SANBR: variants seen among roughly 807,000 people sequenced by gnomAD.
The protein encoded by SANBR is SANT and BTB domain regulator of class switch recombination.
SANBR carries 77 observed loss-of-function variants against 101.8 expected under a neutral mutation model. The observed-to-expected ratio is 0.76, with a 90% CI of 0.63 to 0.91. SANBR has a LOEUF of 0.91. Ranked by LOEUF, SANBR falls within the 40% of genes least tolerant of loss-of-function variation. SANBR has a pLI of 0.00. For synonymous variants in SANBR, 279 were observed against 274.7 expected, an observed-to-expected ratio of 1.02 and a Z score of -0.15; for missense variants, 875 against 853.0, an observed-to-expected ratio of 1.03 and a Z score of -0.32.
Position 61,123,583 on chromosome 2 carries a change from A to T in SANBR, c.*1421A>T. 2.0e-6 allele frequency: 2 copies of T among 978,036 alleles called. No individual in the cohort carries two copies. Among genetic ancestry groups the T allele is most frequent in the South Asian group, 9.5e-5 (2 of 21,132 alleles). 60.6% of individuals were successfully genotyped at this position (978,036 alleles called of 1,614,324 possible). On this transcript the variant is annotated 3_prime_UTR_variant, in exon 22 of 22. Coordinates refer to ENST00000402291, the MANE Select transcript of SANBR (RefSeq NM_001129993.3). ...ATATGTAAGTACTCTGTTAAATACC[A>T]GAGTTTTTTTTGTAGTTTACTGTGT...
Position 61,109,234 on chromosome 2 carries a change from C to T in SANBR, c.1682C>T (p.Thr561Ile). Reference sequence around the variant, plus strand: ...CTGTTTTCAGAAGAAGAAGAATATACCACTGGATCTGAGGTCACTGAAGAT... The same window carrying T: ...CTGTTTTCAGAAGAAGAAGAATATATCACTGGATCTGAGGTCACTGAAGAT... Reference protein sequence around the residue: ...QSLFSEEEEYTTGSEVTEDEV... With the variant: ...QSLFSEEEEYITGSEVTEDEV... The change falls in exon 16 of 22, where the codon ACC (threonine) becomes ATC (isoleucine). Residue 561 changes from threonine (T) to isoleucine (I), a missense_variant. Thr to Ile is a moderately conservative substitution (Grantham distance 89). Coordinates refer to ENST00000402291, the MANE Select transcript of SANBR (RefSeq NM_001129993.3). 6.4e-7 allele frequency: 1 copy of T among 1,560,310 alleles called. No individual in the cohort carries two copies. Among genetic ancestry groups the T allele is most frequent in the Admixed American group, 1.8e-5 (1 of 56,036 alleles).
intron 6 of SANBR, 47 bp downstream of exon 6, chr2:61,077,205 C>G (rs367611397): frequency 6.5e-5 from 88 of 1,364,276 alleles, no homozygotes; most frequent in Non-Finnish European, 8.5e-5. Flanking sequence ...TTGTGTGTCA[C>G]CTGGTAGTTT....
chr2:61,085,839 A>G (rs1682399585), intron 8 of SANBR, among the ~76,000 whole-genome samples: 1 of 152,084 alleles, frequency 6.6e-6, no homozygotes, highest in African/African-American at 2.4e-5. Context: ...TGATAGCTTT[A>G]TAATCATTTT....
At position 61,088,156 on chromosome 2, in the gene SANBR, T is replaced by C. The variant is rs1682543047; in HGVS notation, c.891-3T>C. On this transcript the variant is annotated splice_region_variant and splice_polypyrimidine_tract_variant and intron_variant, in intron 8 of 21. Coordinates refer to ENST00000402291, the MANE Select transcript of SANBR (RefSeq NM_001129993.3). The stretch of plus-strand genomic sequence containing the variant: ...TAATATTTTGGTCATTTGTTGTTAA[T>C]AGCAAACTTTTTTGTAAGAAGATTG... 1.3e-6 allele frequency: 2 copies of C among 1,585,126 alleles called. No individual in the cohort carries two copies. Among genetic ancestry groups the C allele is most frequent in the Middle Eastern group, 3.4e-4 (2 of 5,958 alleles).
chr2:61,076,940 T>C lies in SANBR; in HGVS notation c.452T>C (p.Val151Ala). The part of the protein sequence containing the change: ...ESEGPNMVIH[V>A]CDEAKNLKED... ...TGAAGGCCAAACATGGTGATCCATG[T>C]GTGTGATGAAGCAAAAAACTTGAAA... Residue 151 changes from valine to alanine, a missense_variant, in exon 6 of 22, where the codon GTG (valine) becomes GCG (alanine). Val to Ala is a moderately conservative substitution (Grantham distance 64). Coordinates refer to ENST00000402291, the MANE Select transcript of SANBR (RefSeq NM_001129993.3). The C allele has an allele frequency of 1.9e-6, 3 of 1,613,498 alleles. No homozygotes were observed. The highest frequency in any genetic ancestry group is 2.5e-6 in the Non-Finnish European group (3 of 1,179,510).
intron 17 of SANBR, among the ~76,000 whole-genome samples, chr2:61,116,307 T>C (rs1381639556): frequency 2.0e-5 from 3 of 152,152 alleles, no homozygotes; most frequent in Non-Finnish European, 2.9e-5. Flanking sequence ...GGGGGAAATA[T>C]ATAAATAACT....
chr2:61,131,739 T>C lies in SANBR; in HGVS notation c.2029-2398T>C, dbSNP rs533933553. Among the ~76,000 whole-genome samples, 50 of 152,148 alleles carry C rather than the reference T, an allele frequency of 3.3e-4. 1 individual carries two copies. The highest frequency in any genetic ancestry group is 6.6e-4 in the Non-Finnish European group (45 of 68,020). ...AAGGGATTCAGAATAGCCAAAACAA[T>C]TTTGGAAGACAACAAAGTTAGAAGA... is the stretch of plus-strand genomic sequence containing the variant. On this transcript the variant is annotated intron_variant, in intron 20 of 21. Transcript: ENST00000295031.
In SANBR at chr2:61,105,962, G is replaced by C. The variant is rs117345569; in HGVS notation, c.1512-601G>C. On this transcript the variant is annotated intron_variant, in intron 13 of 21. Transcript: ENST00000402291. ...TGGGATTAGAGGCGTGACCCACTGTGCCCAGCCAAGGCTGTTCTTAAAGCA... is the reference window on the plus strand; with the variant it reads ...TGGGATTAGAGGCGTGACCCACTGTCCCCAGCCAAGGCTGTTCTTAAAGCA... Among the ~76,000 whole-genome samples, 2,897 of 152,244 alleles carry C rather than the reference G, an allele frequency of 0.019. 259 individuals are homozygous for C. In the East Asian group the frequency reaches 0.27, roughly 14 times the overall value.
chr2:61,069,590 A>G (rs546821485), intron 2 of SANBR: 1 of 152,488 alleles, frequency 6.6e-6, no homozygotes, highest in Admixed American at 6.5e-5. Flanking sequence ...GCTGAATCAT[A>G]GATATAACTA....
At chr2:61,094,993 G>GT (rs1682963267) in intron 11 of SANBR, among the ~76,000 whole-genome samples, 1 of 152,146 alleles carries the variant, frequency 6.6e-6, no homozygotes, top group South Asian at 2.1e-4. Flanking sequence ...TTGTGTGGTA[G>GT]TTTAACACTT....
At chr2:61,093,057 C>G (rs186638483) in intron 11 of SANBR, among the ~76,000 whole-genome samples, 1 of 151,610 alleles carries the variant, frequency 6.6e-6, no homozygotes, top group Non-Finnish European at 1.5e-5. Context: ...CACTTGAACC[C>G]GGGAGGCAGA....
intron 20 of SANBR, among the ~76,000 whole-genome samples, chr2:61,129,963 A>G (rs1001745980): frequency 1.3e-5 from 2 of 152,136 alleles, no homozygotes; most frequent in African/African-American, 2.4e-5. Flanking sequence ...ATGTATAACA[A>G]TACCACAAGA....
At chr2:61,081,031 T>G (rs1010662213) in intron 6 of SANBR, among the ~76,000 whole-genome samples, 1 of 152,174 alleles carries the variant, frequency 6.6e-6, no homozygotes, top group African/African-American at 2.4e-5. Flanking sequence ...TCAGAATCTT[T>G]TAAAATTAAA....
chr2:61,115,596 A>G (rs1400021626), intron 16 of SANBR, among the ~76,000 whole-genome samples: 1 of 152,160 alleles, frequency 6.6e-6, no homozygotes, highest in East Asian at 1.9e-4. Context: ...AAATACACAG[A>G]TTACCACTTA....
intron 8 of SANBR, among the ~76,000 whole-genome samples, chr2:61,085,370 CA>C (rs1682368302): frequency 6.6e-6 from 1 of 151,990 alleles, no homozygotes; most frequent in Admixed American, 6.6e-5. Context: ...CTAGTTGACA[CA>C]ATACCATATG....
At chr2:61,098,649 G>A (rs550530041) in intron 12 of SANBR, among the ~76,000 whole-genome samples, 5 of 152,314 alleles carry the variant, frequency 3.3e-5, no homozygotes, top group Admixed American at 1.3e-4. Context: ...TTGGTGCAAT[G>A]TGTGAGTATT....
intron 21 of SANBR, chr2:61,137,329 A>G (rs1684882206): frequency 6.6e-6 from 1 of 152,222 alleles, no homozygotes; most frequent in South Asian, 2.1e-4. Flanking sequence ...TCCTTTTAGT[A>G]AATATTTTTA....
chr2:61,081,367 G>T, intron 6 of SANBR, 85 bp from the exon 7 acceptor site: 1 of 1,261,186 alleles, frequency 7.9e-7, no homozygotes, highest in South Asian at 1.4e-5. Context: ...TTCCAGTAAT[G>T]TCCTCTTTTA....
At position 61,094,112 on chromosome 2, in the gene SANBR, C is replaced by T. The variant is rs111656067; in HGVS notation, c.1212+1525C>T. ...TGTTTAAGTTCCCACTCAATGGGTTCTGTGTTCCCACAATTTTAAAAAGGT... is the reference window on the plus strand; with the variant it reads ...TGTTTAAGTTCCCACTCAATGGGTTTTGTGTTCCCACAATTTTAAAAAGGT... On this transcript the variant is annotated intron_variant, in intron 11 of 21. Coordinates refer to ENST00000402291, the MANE Select transcript of SANBR (RefSeq NM_001129993.3). The T allele has an allele frequency of 2.8e-4, 270 of 976,472 alleles. No individual in the cohort carries two copies. The African/African-American group carries it at 4.2e-3, about 15-fold the overall frequency. The allele number at this position is 976,472 out of a possible 1,614,324, so 60.5% of individuals were successfully genotyped here. A position where few individuals can be genotyped will look rare whatever the true frequency, so the allele number is the denominator to read the frequency against.
Sources: allele counts gnomAD v4.1 joint callset (sites outside exome capture counted in the v4.1 genomes callset), GRCh38; gene constraint gnomAD v4.1.1; transcripts MANE v1.5; gene names NCBI Gene and HGNC (gene_info 2026-07-23, HGNC 2026-07-21).